Variants in CCNYL1 observed in about 807,000 individuals in gnomAD.
CCNYL1 encodes cyclin Y like 1.
A neutral mutation model predicts 44.2 loss-of-function variants in CCNYL1; 16 were observed. That is an observed-to-expected ratio of 0.36 (90% CI 0.25 to 0.55). CCNYL1 has a LOEUF of 0.55. Among genes scored for constraint, CCNYL1 ranks in the 20% least tolerant of loss-of-function variants. The pLI is 0.85. For synonymous variants in CCNYL1, 159 were observed against 163.2 expected (o/e 0.97, Z 0.20); for missense variants, 348 against 451.8 (o/e 0.77, Z 2.08).
chr2:207,714,990 C>G (rs1288967992), intron 1 of CCNYL1, among the ~76,000 whole-genome samples: 1 of 152,184 alleles, frequency 6.6e-6, no homozygotes, highest in Non-Finnish European at 1.5e-5. Flanking sequence ...AAACATTTGG[C>G]TGGGCATGGT....
At chr2:207,729,329 G>C (rs2091706884) in intron 3 of CCNYL1, among the ~76,000 whole-genome samples, 1 of 130,444 alleles carries the variant, frequency 7.7e-6, no homozygotes, top group South Asian at 2.4e-4. Flanking sequence ...TCTACTTCTT[G>C]GGCATTCTTT....
rs545262308 is a variant in CCNYL1, at chr2:207,756,065, G to A, written c.*2367G>A. ...ATATTGTTTATGGAATTCAGAGTTT[G>A]GAGATTCAAGTATTGATTGCAGTTT... On this transcript the variant is annotated 3_prime_UTR_variant, in exon 10 of 10. Transcript: ENST00000295414. The A allele has an allele frequency of 1.3e-5, 2 of 152,256 alleles. No homozygotes were observed. Among genetic ancestry groups the A allele is most frequent in the South Asian group, 2.1e-4 (1 of 4,822 alleles). 9.4% of individuals were successfully genotyped at this position (152,256 alleles called of 1,614,324 possible). A position where few individuals can be genotyped will look rare whatever the true frequency, so the allele number is the denominator to read the frequency against.
chr2:207,724,001 T>G (rs1420444850), intron 1 of CCNYL1, among the ~76,000 whole-genome samples: 2 of 152,178 alleles, frequency 1.3e-5, no homozygotes, highest in Admixed American at 6.5e-5. Context: ...AGAGTCTGTT[T>G]TGTAGTCTTG....
At position 207,723,064 on chromosome 2, in the gene CCNYL1, CGTCAT is replaced by C. The variant is rs2091652987; in HGVS notation, c.221-1735_221-1731del. On this transcript the variant is annotated intron_variant, in intron 1 of 9. Transcript: ENST00000295414. ...TTTTCCAAATAGCTTAAAATTGTCA[CGTCAT>C]CTTTTCAAGATGTGGAAAAACTTCA... is the stretch of plus-strand genomic sequence containing the variant. Among the ~76,000 whole-genome samples the C allele has an allele frequency of 3.9e-5, 6 of 151,988 alleles. No homozygotes were observed. In the South Asian group the frequency reaches 1.2e-3, roughly 32 times the overall value.
At chr2:207,716,120 T>C (rs1239004273) in intron 1 of CCNYL1, among the ~76,000 whole-genome samples, 1 of 152,196 alleles carries the variant, frequency 6.6e-6, no homozygotes, top group Non-Finnish European at 1.5e-5. Flanking sequence ...ACTAAGATCT[T>C]ATTGTCCGAT....
intron 5 of CCNYL1, among the ~76,000 whole-genome samples, chr2:207,737,744 G>C (rs2091776608): frequency 6.6e-6 from 1 of 151,942 alleles, no homozygotes. Context: ...TGGCACTGTT[G>C]ATATTTTGAG....
rs139738669 is a variant in CCNYL1 at position 207,736,782 on chromosome 2, T to A, written c.432-629T>A. The stretch of plus-strand genomic sequence containing the variant: ...AACCAAAAAACCAAATAGTTTAAAT[T>A]TAAGCATGTATACAAATAGGTAGAA... On this transcript the variant is annotated intron_variant, in intron 4 of 9. Transcript: ENST00000295414. 7.8e-4 allele frequency among the ~76,000 whole-genome samples: 119 copies of A among 152,206 alleles called. 1 individual carries two copies. Among genetic ancestry groups the A allele is most frequent in the African/African-American group, 2.7e-3 (111 of 41,540 alleles).
chr2:207,737,473 T>C (rs911311683), intron 5 of CCNYL1, 27 bp downstream of exon 5: 2 of 1,583,524 alleles, frequency 1.3e-6, no homozygotes. Flanking sequence ...CCTGTCTTGT[T>C]ATTCCAGCTA....
chr2:207,718,996 T>C (rs371207901), intron 1 of CCNYL1, among the ~76,000 whole-genome samples: 1 of 152,070 alleles, frequency 6.6e-6, no homozygotes, highest in Non-Finnish European at 1.5e-5. Flanking sequence ...AAAACTCTCT[T>C]TACTGCTATG....
chr2:207,742,178 T>G (rs1420406383), intron 6 of CCNYL1, 45 bp from the exon 7 acceptor site: 4 of 1,551,404 alleles, frequency 2.6e-6, no homozygotes, highest in African/African-American at 1.4e-5. Flanking sequence ...AGCTTAAAAT[T>G]TTTTTCTTCA....
At chr2:207,717,797 C>G (rs2091608191) in intron 1 of CCNYL1, among the ~76,000 whole-genome samples, 1 of 151,900 alleles carries the variant, frequency 6.6e-6, no homozygotes, top group Non-Finnish European at 1.5e-5. Context: ...GATGCCAGGA[C>G]TATGGTGGGT....
intron 2 of CCNYL1, 75 bp downstream of exon 2, chr2:207,724,949 G>T: frequency 6.0e-6 from 7 of 1,173,980 alleles, no homozygotes; most frequent in Admixed American, 2.7e-5. Flanking sequence ...TATTATAGAA[G>T]GTATTTAGAA....
intron 1 of CCNYL1, among the ~76,000 whole-genome samples, chr2:207,722,960 G>A (rs1334575589): frequency 3.4e-5 from 5 of 148,620 alleles, no homozygotes; most frequent in African/African-American, 9.9e-5. Flanking sequence ...CTCTTCTCTC[G>A]GAAAAAAAAA....
At chr2:207,735,800 G>C (rs1415924434) in intron 4 of CCNYL1, among the ~76,000 whole-genome samples, 1 of 151,998 alleles carries the variant, frequency 6.6e-6, no homozygotes, top group Non-Finnish European at 1.5e-5. Context: ...GGAAGCGGAG[G>C]TTGCAGTGAG....
intron 4 of CCNYL1, among the ~76,000 whole-genome samples, chr2:207,735,131 C>T (rs1200999347): frequency 6.6e-6 from 1 of 152,062 alleles, no homozygotes; most frequent in East Asian, 1.9e-4. Context: ...CTTTTTTCCC[C>T]CCATTTTAGT....
chr2:207,714,247 ACTTCGG>A (rs2105815012), intron 1 of CCNYL1: 2 of 391,006 alleles, frequency 5.1e-6, no homozygotes, highest in South Asian at 3.8e-5. Flanking sequence ...TTGAGAACTT[ACTTCGG>A]TCTTGATTAG....
chr2:207,725,239 G>A (rs954589928), intron 2 of CCNYL1, among the ~76,000 whole-genome samples: 1 of 149,660 alleles, frequency 6.7e-6, no homozygotes, highest in African/African-American at 2.5e-5. Context: ...CAATTCTCCT[G>A]CCTCAGCCTC....
intron 3 of CCNYL1, among the ~76,000 whole-genome samples, chr2:207,730,053 G>A (rs897202698): frequency 2.0e-5 from 3 of 152,158 alleles, no homozygotes; most frequent in African/African-American, 7.2e-5. Context: ...CTTCAGAGAA[G>A]AATCTCCCAA....
intron 4 of CCNYL1, among the ~76,000 whole-genome samples, chr2:207,736,572 G>A (rs2091765777): frequency 1.3e-5 from 2 of 152,138 alleles, no homozygotes; most frequent in African/African-American, 4.8e-5. Flanking sequence ...CATTGGTTTT[G>A]TGTGCACTTA....
Sources: gnomAD v4.1 joint callset for allele counts (sites outside exome capture counted in the v4.1 genomes callset) on GRCh38, gnomAD v4.1.1 for gene constraint, MANE v1.5 for transcripts, NCBI Gene and HGNC (gene_info 2026-07-23, HGNC 2026-07-21) for gene names.